Variants in NLGN1 observed in about 807,000 individuals in gnomAD.
The protein encoded by NLGN1 is neuroligin 1, also known as neuroligin-1.
Under a neutral mutation model 65.5 loss-of-function variants are expected in NLGN1, and 12 were observed. The observed-to-expected ratio is 0.18, with a 90% CI of 0.12 to 0.30. NLGN1 has a LOEUF of 0.30. Ranked by LOEUF, NLGN1 falls within the 10% of genes least tolerant of loss-of-function variation. The pLI, the probability that NLGN1 is intolerant of heterozygous loss-of-function variation, is 1.00. For missense variants in NLGN1, 750 were observed against 1,007.1 expected, an observed-to-expected ratio of 0.74 and a Z score of 3.46; for synonymous variants, 350 against 359.5, an observed-to-expected ratio of 0.97 and a Z score of 0.30.
At chr3:173,887,859 C>G (rs1483182241) in intron 4 of NLGN1, among the ~76,000 whole-genome samples, 2 of 150,408 alleles carry the variant, frequency 1.3e-5, no homozygotes, top group Non-Finnish European at 3.0e-5. Flanking sequence ...TTGACTACAA[C>G]AAAAATAACA....
At chr3:173,540,470 G>A (rs1738666214) in intron 2 of NLGN1, among the ~76,000 whole-genome samples, 1 of 152,098 alleles carries the variant, frequency 6.6e-6, no homozygotes, top group African/African-American at 2.4e-5. Context: ...TCATAGGAGG[G>A]GCCAGATGCA....
intron 2 of NLGN1, among the ~76,000 whole-genome samples, chr3:173,437,080 T>C (rs941546620): frequency 3.3e-5 from 5 of 152,228 alleles, no homozygotes; most frequent in African/African-American, 7.2e-5. Context: ...TAAGAAGCAC[T>C]ACATAAAACA....
intron 2 of NLGN1, among the ~76,000 whole-genome samples, chr3:173,569,405 T>C (rs2149325345): frequency 6.6e-6 from 1 of 152,112 alleles, no homozygotes; most frequent in Non-Finnish European, 1.5e-5. Context: ...TTTTATTAAT[T>C]TTTTTAAAAT....
At chr3:173,838,975 T>C (rs537753676) in intron 4 of NLGN1, among the ~76,000 whole-genome samples, 1 of 152,342 alleles carries the variant, frequency 6.6e-6, no homozygotes, top group African/African-American at 2.4e-5. Context: ...GTATAAATTA[T>C]TTTTTATTCA....
chr3:173,454,736 G>A (rs377624978), intron 2 of NLGN1, among the ~76,000 whole-genome samples: 1 of 152,334 alleles, frequency 6.6e-6, no homozygotes, highest in South Asian at 2.1e-4. Flanking sequence ...GATTTTGAAA[G>A]AATGTTGTAG....
At chr3:174,109,845 T>C (rs1455361851) in intron 4 of NLGN1, among the ~76,000 whole-genome samples, 1 of 152,116 alleles carries the variant, frequency 6.6e-6, no homozygotes, top group Non-Finnish European at 1.5e-5. Context: ...CAGTGTATGC[T>C]GATACTACAG....
At chr3:174,162,424 C>T (rs1048314006) in intron 4 of NLGN1, among the ~76,000 whole-genome samples, 3 of 151,762 alleles carry the variant, frequency 2.0e-5, no homozygotes, top group African/African-American at 4.8e-5. Flanking sequence ...GAAACTATTG[C>T]CATTGGCTCA....
intron 3 of NLGN1, among the ~76,000 whole-genome samples, chr3:173,794,080 G>A (rs962043913): frequency 1.3e-5 from 2 of 151,740 alleles, no homozygotes; most frequent in Non-Finnish European, 2.9e-5. Flanking sequence ...TTCTTTCCCC[G>A]AAATCTTCTT....
In NLGN1 at chr3:174,139,210, C is replaced by G. The variant is rs141812053; in HGVS notation, c.647-136105C>G. Among the ~76,000 whole-genome samples the G allele has an allele frequency of 7.3e-3, 1,104 of 152,022 alleles. 19 individuals are homozygous for G. Among genetic ancestry groups the G allele is most frequent in the African/African-American group, 0.026 (1,058 of 41,440 alleles). On this transcript the variant is annotated intron_variant, in intron 4 of 6. Coordinates refer to ENST00000457714, the Ensembl canonical transcript of NLGN1. ...ACAAATATATATTGACATATGTACA[C>G]CATTGTAGTATCATACAGAATAGTT... is the stretch of plus-strand genomic sequence containing the variant.
At chr3:174,024,350 C>T (rs1269716199) in intron 4 of NLGN1, among the ~76,000 whole-genome samples, 2 of 152,008 alleles carry the variant, frequency 1.3e-5, no homozygotes, top group Non-Finnish European at 2.9e-5. Context: ...GTTAGCATGC[C>T]AAATGAGTAA....
intron 4 of NLGN1, among the ~76,000 whole-genome samples, chr3:174,263,346 G>C (rs1321369235): frequency 2.0e-5 from 3 of 146,512 alleles, no homozygotes; most frequent in African/African-American, 7.6e-5. Flanking sequence ...CTCAGGACTT[G>C]CTTTATGAAT....
intron 4 of NLGN1, among the ~76,000 whole-genome samples, chr3:173,848,337 G>T (rs957822970): frequency 6.6e-6 from 1 of 152,168 alleles, no homozygotes; most frequent in African/African-American, 2.4e-5. Context: ...CCTTACAGAA[G>T]TCAAATCACT....
intron 4 of NLGN1, among the ~76,000 whole-genome samples, chr3:174,040,309 T>A (rs1446973667): frequency 6.6e-6 from 1 of 152,162 alleles, no homozygotes; most frequent in African/African-American, 2.4e-5. Flanking sequence ...GTCAAGGACA[T>A]CCTTCAGAAG....
chr3:173,999,990 A>G (rs1170134023), intron 4 of NLGN1, among the ~76,000 whole-genome samples: 1 of 152,074 alleles, frequency 6.6e-6, no homozygotes, highest in African/African-American at 2.4e-5. Flanking sequence ...TGGTATAACT[A>G]GATCTTGCAA....
chr3:173,961,211 C>T (rs754741545), intron 4 of NLGN1, among the ~76,000 whole-genome samples: 1 of 152,072 alleles, frequency 6.6e-6, no homozygotes, highest in East Asian at 1.9e-4. Flanking sequence ...CATCTCTTGA[C>T]CTCCTGCCCC....
chr3:173,826,023 A>G (rs1300136465), intron 4 of NLGN1, among the ~76,000 whole-genome samples: 5 of 152,024 alleles, frequency 3.3e-5, no homozygotes, highest in Non-Finnish European at 2.9e-5. Flanking sequence ...AAACTAACAA[A>G]TGTAGTTTTT....
At chr3:173,784,460 T>C (rs1195913950) in intron 3 of NLGN1, among the ~76,000 whole-genome samples, 1 of 152,054 alleles carries the variant, frequency 6.6e-6, no homozygotes, top group Admixed American at 6.6e-5. Context: ...CAGAGGGAAG[T>C]GGCCACACTG....
At chr3:173,476,563 A>G (rs1288234699) in intron 2 of NLGN1, among the ~76,000 whole-genome samples, 1 of 152,118 alleles carries the variant, frequency 6.6e-6, no homozygotes, top group Non-Finnish European at 1.5e-5. Flanking sequence ...GCGTTTGGGG[A>G]ACTGTGTAAT....
chr3:174,008,140 G>A (rs1051039926), intron 4 of NLGN1, among the ~76,000 whole-genome samples: 2 of 152,118 alleles, frequency 1.3e-5, no homozygotes, highest in East Asian at 3.9e-4. Flanking sequence ...AGCAAAGTTT[G>A]TGGTTTAGCT....
Sources: gnomAD v4.1 joint callset for allele counts (sites outside exome capture counted in the v4.1 genomes callset) on GRCh38, gnomAD v4.1.1 for gene constraint, MANE v1.5 for transcripts, NCBI Gene and HGNC (gene_info 2026-07-23, HGNC 2026-07-21) for gene names.